The following CACNA2D1 variants were observed in gnomAD, a reference collection of about 807,000 sequenced individuals.
The protein encoded by CACNA2D1 is calcium voltage-gated channel auxiliary subunit alpha2delta 1.
A neutral mutation model predicts 171.5 loss-of-function variants in CACNA2D1; 53 were observed. The ratio of observed to expected loss-of-function variants is 0.31; its 90% CI spans 0.25 to 0.39. CACNA2D1 has a LOEUF of 0.39. Among genes scored for constraint, CACNA2D1 ranks in the 10% least tolerant of loss-of-function variants. The probability of loss-of-function intolerance (pLI) is 1.00; values close to 1 mark genes in which losing one functional copy is unlikely to be tolerated. For missense variants in CACNA2D1, 903 were observed against 1,299.8 expected (o/e 0.69, Z 4.69); for synonymous variants, 442 against 443.1 (o/e 1.00, Z 0.03).
chr7:82,371,964 T>A (rs1822470514), intron 1 of CACNA2D1, among the ~76,000 whole-genome samples: 1 of 152,160 alleles, frequency 6.6e-6, no homozygotes, highest in African/African-American at 2.4e-5. Context: ...GATGAGACTT[T>A]AAAAAAACTT....
At chr7:82,389,221 A>C (rs190234251) in intron 1 of CACNA2D1, among the ~76,000 whole-genome samples, 206 of 150,144 alleles carry the variant, frequency 1.4e-3, no homozygotes, top group African/African-American at 4.4e-3. Context: ...AAAGGTAAAC[A>C]AGAAAACAAG....
chr7:82,092,898 A>T (rs955137054), intron 6 of CACNA2D1, among the ~76,000 whole-genome samples: 1 of 152,296 alleles, frequency 6.6e-6, no homozygotes, highest in South Asian at 2.1e-4. Flanking sequence ...GTTTAAAAAA[A>T]CATCAGAAAC....
chr7:81,959,981 A>G, intron 36 of CACNA2D1, 152 bp from the exon 37 acceptor site: 1 of 1,235,396 alleles, frequency 8.1e-7, no homozygotes, highest in Admixed American at 2.6e-5. Context: ...ATTTTAGAAG[A>G]AAAAAATGCT....
chr7:82,098,905 A>C (rs1025045369), intron 6 of CACNA2D1, among the ~76,000 whole-genome samples: 5 of 152,208 alleles, frequency 3.3e-5, no homozygotes, highest in African/African-American at 1.2e-4. Flanking sequence ...ACTATAAATG[A>C]CTTTTCAGTA....
At chr7:82,123,526 G>A (rs1011319018) in intron 5 of CACNA2D1, among the ~76,000 whole-genome samples, 1 of 152,106 alleles carries the variant, frequency 6.6e-6, no homozygotes, top group African/African-American at 2.4e-5. Context: ...AATCAAAACT[G>A]TCTCCAAAAT....
intron 3 of CACNA2D1, among the ~76,000 whole-genome samples, chr7:82,211,004 A>T (rs1272830847): frequency 6.6e-6 from 1 of 152,132 alleles, no homozygotes; most frequent in Non-Finnish European, 1.5e-5. Context: ...GGATTTTCCC[A>T]TATGATGTAA....
At chr7:82,005,603 G>T in intron 17 of CACNA2D1, 106 bp from the exon 18 acceptor site, 2 of 870,452 alleles carry the variant, frequency 2.3e-6, no homozygotes, top group Non-Finnish European at 3.8e-6. Context: ...ATAGCATGTT[G>T]AAAGATAACA....
chr7:82,372,466 A>T (rs1822518199), intron 1 of CACNA2D1, among the ~76,000 whole-genome samples: 1 of 152,184 alleles, frequency 6.6e-6, no homozygotes, highest in Non-Finnish European at 1.5e-5. Context: ...GGAAATAAGT[A>T]TGAGATTCCT....
chr7:82,396,849 C>A (rs77673937), intron 1 of CACNA2D1, among the ~76,000 whole-genome samples: 8,887 of 152,226 alleles, frequency 0.058, 342 homozygotes, highest in Middle Eastern at 0.12. Flanking sequence ...AGTTTGCTAC[C>A]TCCTCATTGA....
chr7:82,357,805 T>A (rs1457326517), intron 1 of CACNA2D1, among the ~76,000 whole-genome samples: 1 of 150,904 alleles, frequency 6.6e-6, no homozygotes, highest in Non-Finnish European at 1.5e-5. Flanking sequence ...GGCACATGTA[T>A]ACGTATGTAA....
At chr7:82,017,320 G>A (rs777272440) in intron 12 of CACNA2D1, among the ~76,000 whole-genome samples, 7 of 151,938 alleles carry the variant, frequency 4.6e-5, no homozygotes, top group Non-Finnish European at 1.0e-4. Context: ...ATTCCCTAGC[G>A]CCATACCATT....
At chr7:82,181,033 C>T (rs1445047294) in intron 3 of CACNA2D1, among the ~76,000 whole-genome samples, 2 of 64,498 alleles carry the variant, frequency 3.1e-5, no homozygotes, top group African/African-American at 5.2e-5. Flanking sequence ...AGCTGTGGGG[C>T]ATGTCGGATT....
chr7:82,370,168 T>C (rs1288963464), intron 1 of CACNA2D1, among the ~76,000 whole-genome samples: 2 of 152,004 alleles, frequency 1.3e-5, no homozygotes, highest in African/African-American at 2.4e-5. Flanking sequence ...AATAATGCTA[T>C]TACAGAACTC....
intron 1 of CACNA2D1, among the ~76,000 whole-genome samples, chr7:82,382,958 T>C (rs1823874328): frequency 6.6e-6 from 1 of 152,184 alleles, no homozygotes; most frequent in Non-Finnish European, 1.5e-5. Flanking sequence ...CTCACTAAGG[T>C]TTGACATTCA....
At chr7:82,142,291 C>G in intron 4 of CACNA2D1, among the ~76,000 whole-genome samples, 1 of 152,302 alleles carries the variant, frequency 6.6e-6, no homozygotes, top group East Asian at 1.9e-4. Flanking sequence ...CTGCTGCTTA[C>G]TGAAATTTCA....
intron 12 of CACNA2D1, chr7:82,028,290 G>T (rs1802201861): frequency 6.6e-6 from 1 of 151,736 alleles, no homozygotes; most frequent in Non-Finnish European, 1.5e-5. Context: ...TCTGTTTACA[G>T]CATGGTTTAC....
intron 3 of CACNA2D1, among the ~76,000 whole-genome samples, chr7:82,288,054 A>G (rs574312177): frequency 2.1e-5 from 3 of 144,412 alleles, no homozygotes; most frequent in African/African-American, 7.9e-5. Flanking sequence ...GTTAGCCGGG[A>G]TGGACTCGAT....
chr7:82,227,626 T>C (rs1464644745), intron 3 of CACNA2D1, among the ~76,000 whole-genome samples: 3 of 152,192 alleles, frequency 2.0e-5, no homozygotes, highest in African/African-American at 7.2e-5. Context: ...TACAGCCGAG[T>C]AGTTAAGAGA....
At position 81,948,263 on chromosome 7, in the gene CACNA2D1, A is replaced by T. The variant is rs1763857933; in HGVS notation, c.*2129T>A. 1 of 151,906 alleles carries T rather than the reference A, an allele frequency of 6.6e-6. No individual in the cohort carries two copies. Among genetic ancestry groups the T allele is most frequent in the Admixed American group, 6.6e-5 (1 of 15,226 alleles). The allele number at this position is 151,906 out of a possible 1,614,324, so 9.4% of individuals were successfully genotyped here. A position where few individuals can be genotyped will look rare whatever the true frequency, so the allele number is the denominator to read the frequency against. On this transcript the variant is annotated 3_prime_UTR_variant, in exon 39 of 39. Transcript: ENST00000356860. ...AATAACTTTTAAATATTTAACAAAC[A>T]ACATGATTAAAACATTGTTACTAGA...
Sources: allele counts gnomAD v4.1 joint callset (sites outside exome capture counted in the v4.1 genomes callset), GRCh38; gene constraint gnomAD v4.1.1; transcripts MANE v1.5; gene names NCBI Gene and HGNC (gene_info 2026-07-23, HGNC 2026-07-21).